The following AGAP1 variants were observed in gnomAD, a reference collection of about 807,000 sequenced individuals.
AGAP1 encodes arf-GAP with GTPase, ANK repeat and PH domain-containing protein 1.
AGAP1 carries 29 observed loss-of-function variants against 105.3 expected under a neutral mutation model. That is an observed-to-expected ratio of 0.28 (90% CI 0.21 to 0.38). The LOEUF is 0.38. Among genes scored for constraint, AGAP1 ranks in the 10% least tolerant of loss-of-function variants. AGAP1 has a pLI of 1.00. For missense variants in AGAP1, 998 were observed against 1,165.1 expected, an observed-to-expected ratio of 0.86 and a Z score of 2.09; for synonymous variants, 509 against 485.9, an observed-to-expected ratio of 1.05 and a Z score of -0.63.
At chr2:235,678,886 G>C (rs1444661425) in intron 1 of AGAP1, among the ~76,000 whole-genome samples, 1 of 152,116 alleles carries the variant, frequency 6.6e-6, no homozygotes, top group African/African-American at 2.4e-5. Flanking sequence ...AGTGCTGCCT[G>C]GGCTTGTGTT....
In AGAP1 at chr2:235,874,516, A is replaced by C. The variant is rs912417024; in HGVS notation, c.1051-8829A>C. Among the ~76,000 whole-genome samples, 3 of 152,188 alleles carry C rather than the reference A, an allele frequency of 2.0e-5. No homozygotes were observed. Among genetic ancestry groups the C allele is most frequent in the Non-Finnish European group, 4.4e-5 (3 of 68,018 alleles). ...TCCATCACTCTAGGTGCTTTCACCT[A>C]GGCAGAGCAACCGAAGTGCACTTTG... On this transcript the variant is annotated intron_variant, in intron 9 of 17. Coordinates refer to ENST00000304032, the MANE Select transcript of AGAP1 (RefSeq NM_001037131.3). This position sits in a 1 kb window ranked among gnomAD's most constrained non-coding sequence, Gnocchi z 4.5.
At chr2:235,730,477 TAAAAAAAAAAAA>T (rs11388954) in intron 3 of AGAP1, among the ~76,000 whole-genome samples, 6 of 123,890 alleles carry the variant, frequency 4.8e-5, no homozygotes, top group African/African-American at 1.6e-4. Context: ...GTTTACCTTT[TAAAAAAAAAAAA>T]AAAAAAAAAC....
chr2:235,678,405 A>C (rs144759726), intron 1 of AGAP1, among the ~76,000 whole-genome samples: 2,203 of 152,286 alleles, frequency 0.014, 27 homozygotes, highest in Non-Finnish European at 0.023. Context: ...TGGTTAAGGA[A>C]ACTTAAAGGA....
At chr2:235,921,793 C>T (rs181657949) in intron 11 of AGAP1, among the ~76,000 whole-genome samples, 14 of 152,256 alleles carry the variant, frequency 9.2e-5, no homozygotes, top group Admixed American at 2.0e-4. Flanking sequence ...TGCAGAGTCC[C>T]GAATGCCTAC....
intron 1 of AGAP1, among the ~76,000 whole-genome samples, chr2:235,671,349 C>T (rs1285057076): frequency 1.3e-5 from 2 of 152,216 alleles, no homozygotes; most frequent in African/African-American, 4.8e-5. Flanking sequence ...CCTTCGCGTG[C>T]TCGCTGGGTC....
At chr2:235,783,351 T>G (rs1472270536) in intron 6 of AGAP1, 1 of 471,418 alleles carries the variant, frequency 2.1e-6, no homozygotes, top group South Asian at 1.5e-5. Flanking sequence ...CTTAATGTTC[T>G]AAAAGCTCTT....
chr2:235,926,865 G>A (rs2052474422), intron 11 of AGAP1, among the ~76,000 whole-genome samples: 1 of 152,154 alleles, frequency 6.6e-6, no homozygotes, highest in South Asian at 2.1e-4. Flanking sequence ...AGAGAGAGAG[G>A]CTGTCAGCTC....
chr2:235,653,386 A>G (rs772612923), intron 1 of AGAP1, among the ~76,000 whole-genome samples: 1 of 151,668 alleles, frequency 6.6e-6, no homozygotes, highest in African/African-American at 2.4e-5. Context: ...ATGGCATGAA[A>G]CCGGGAGGCA....
rs1029444038 is a variant in AGAP1, at chr2:235,586,276, T to C, written c.163+91427T>C. Among the ~76,000 whole-genome samples, 8 of 152,146 alleles carry C rather than the reference T, an allele frequency of 5.3e-5. No homozygotes were observed. In the South Asian group the frequency reaches 1.0e-3, roughly 20 times the overall value. On this transcript the variant is annotated intron_variant, in intron 1 of 17. Coordinates refer to ENST00000304032, the MANE Select transcript of AGAP1 (RefSeq NM_001037131.3). The surrounding 1 kb of genome is among the most constrained non-coding windows in gnomAD (Gnocchi z 4.2). ...GAGGAGAGAGAAGCCCGCTGCACTC[T>C]CCACTGACCAGACCACCCACTTTGC...
At chr2:235,571,029 C>T (rs1217357503) in intron 1 of AGAP1, among the ~76,000 whole-genome samples, 1 of 152,144 alleles carries the variant, frequency 6.6e-6, no homozygotes, top group African/African-American at 2.4e-5. Context: ...ACAATCATGG[C>T]GGAAGGCAAA....
intron 1 of AGAP1, among the ~76,000 whole-genome samples, chr2:235,499,571 C>T (rs770152066): frequency 1.3e-5 from 2 of 152,136 alleles, no homozygotes; most frequent in Non-Finnish European, 1.5e-5. Flanking sequence ...TGCCGGCACC[C>T]GGGACCTCCA....
At chr2:235,591,296 G>A (rs377692211) in intron 1 of AGAP1, among the ~76,000 whole-genome samples, 52 of 152,348 alleles carry the variant, frequency 3.4e-4, no homozygotes, top group African/African-American at 5.8e-4. Flanking sequence ...GACTGCAGGC[G>A]TGAGCCACTG....
rs751752940 is a variant in AGAP1, at chr2:235,970,566, G to A, written c.1645+1943G>A. On this transcript the variant is annotated intron_variant, in intron 13 of 17. Transcript: ENST00000304032. The surrounding 1 kb of genome is among the most constrained non-coding windows in gnomAD (Gnocchi z 5.4). ...GCCTTGTTCTCACTTTCACAGGCACGCGTCTTCTTGCATTTGTTGTGTGTT... is the reference window on the plus strand; with the variant it reads ...GCCTTGTTCTCACTTTCACAGGCACACGTCTTCTTGCATTTGTTGTGTGTT... 1.3e-5 allele frequency among the ~76,000 whole-genome samples: 2 copies of A among 152,202 alleles called. No individual in the cohort carries two copies. Among genetic ancestry groups the A allele is most frequent in the Admixed American group, 1.3e-4 (2 of 15,284 alleles).
At position 236,129,388 on chromosome 2, in the gene AGAP1, T is replaced by C. The variant is rs1460574334; in HGVS notation, c.*5266T>C. 6.6e-6 allele frequency: 1 copy of C among 152,306 alleles called. No homozygotes were observed. The highest frequency in any genetic ancestry group is 1.5e-5 in the Non-Finnish European group (1 of 68,092). The allele number at this position is 152,306 out of a possible 1,614,324, so 9.4% of individuals were successfully genotyped here. ...CAAAATGTCAGCTTTCCTCCCATTA[T>C]GCAGGAGAGAGAAGGGGCGCAGGTG... is the stretch of plus-strand genomic sequence containing the variant. On this transcript the variant is annotated 3_prime_UTR_variant, in exon 18 of 18. Coordinates refer to ENST00000304032, the MANE Select transcript of AGAP1 (RefSeq NM_001037131.3). This position sits in a 1 kb window ranked among gnomAD's most constrained non-coding sequence, Gnocchi z 6.2.
At chr2:235,709,384 G>A (rs1017971198) in intron 2 of AGAP1, 147 bp downstream of exon 2, 30 of 924,550 alleles carry the variant, frequency 3.2e-5, no homozygotes, top group Non-Finnish European at 4.9e-5. Context: ...GCCAGGTATA[G>A]TTGATAGCTT....
chr2:235,511,828 G>A (rs1225129051), intron 1 of AGAP1, among the ~76,000 whole-genome samples: 2 of 152,154 alleles, frequency 1.3e-5, no homozygotes, highest in Middle Eastern at 3.4e-3. Flanking sequence ...GTGTGTGAAT[G>A]TGTGTGTGAA....
chr2:235,998,979 CG>C (rs1474234111), intron 13 of AGAP1, among the ~76,000 whole-genome samples: 1 of 138,522 alleles, frequency 7.2e-6, no homozygotes, highest in East Asian at 2.2e-4. Flanking sequence ...CTGGTGGTGA[CG>C]GGGTAGTGGT....
chr2:235,704,380 G>A (rs1950417197), intron 1 of AGAP1, among the ~76,000 whole-genome samples: 2 of 151,662 alleles, frequency 1.3e-5, no homozygotes, highest in South Asian at 4.1e-4. Context: ...CGGGCGTGGT[G>A]GCTCATGCCT....
Position 235,799,432 on chromosome 2 carries a change from C to T in AGAP1, c.867C>T (p.Ser289=). Reference sequence around the variant, plus strand: ...CCGTTCCATCGACTCCCAGCACCAGCCAGAAGGAACTTCGGATCGATGTTC... The same window carrying T: ...CCGTTCCATCGACTCCCAGCACCAGTCAGAAGGAACTTCGGATCGATGTTC... ...SSSVPSTPST[S]QKELRIDVPP... is the part of the protein sequence containing the mutation. Residue 289 remains serine (S), a synonymous_variant, in exon 8 of 18, where the codon AGC becomes AGT. Transcript: ENST00000304032. The surrounding 1 kb of genome is among the most constrained non-coding windows in gnomAD (Gnocchi z 5.0). 6.2e-7 allele frequency: 1 copy of T among 1,614,208 alleles called. No individual in the cohort carries two copies. The highest frequency in any genetic ancestry group is 8.5e-7 in the Non-Finnish European group (1 of 1,180,050).
Sources: allele counts gnomAD v4.1 joint callset (sites outside exome capture counted in the v4.1 genomes callset), GRCh38; gene constraint gnomAD v4.1.1; non-coding constraint Gnocchi (gnomAD v3.1); transcripts MANE v1.5; gene names NCBI Gene and HGNC (gene_info 2026-07-23, HGNC 2026-07-21).